NPY2R: variants seen among roughly 807,000 people sequenced by gnomAD.
NPY2R encodes the protein neuropeptide Y receptor type 2.
Under a neutral mutation model 22.3 loss-of-function variants are expected in NPY2R, and 17 were observed. The ratio of observed to expected loss-of-function variants is 0.76; its 90% confidence interval spans 0.52 to 1.14. The LOEUF is 1.14. Ranked by LOEUF, NPY2R falls within the 50% of genes most tolerant of loss-of-function variation. NPY2R has a pLI of 0.00. For synonymous variants in NPY2R, 209 were observed against 183.4 expected (o/e 1.14, Z -1.13); for missense variants, 424 against 467.9 (o/e 0.91, Z 0.87).
the NPY2R span, among the ~76,000 whole-genome samples, chr4:155,184,389 G>T: frequency 2.0e-5 from 3 of 152,290 alleles, no homozygotes; most frequent in South Asian, 6.2e-4. Context: ...TAAACCCAGA[G>T]AAATAATTTC....
chr4:155,214,724 G>T lies in NPY2R; in HGVS notation c.785G>T (p.Arg262Leu). The change falls in exon 2 of 2, where the codon CGA becomes CTA. Residue 262 changes from arginine to leucine, a missense_variant. By Grantham distance (102) the Arg-to-Leu change is moderately radical (BLOSUM62 -2). Transcript: ENST00000329476. The stretch of plus-strand genomic sequence containing the variant: ...GCTGCAAATGACCACTACCATCAGC[G>T]AAGGCAAAAAACCACCAAAATGCTG... ...PGAANDHYHQ[R>L]RQKTTKMLVC... 1 of 1,614,160 alleles carries T rather than the reference G, an allele frequency of 6.2e-7. No homozygotes were observed. The highest frequency in any genetic ancestry group is 8.5e-7 in the Non-Finnish European group (1 of 1,180,022).
At chr4:155,185,683 G>A in the NPY2R span, among the ~76,000 whole-genome samples, 24 of 131,718 alleles carry the variant, frequency 1.8e-4, no homozygotes, top group Admixed American at 1.4e-3. Flanking sequence ...TTTTTTTTTT[G>A]TAAATGGAGG....
At chr4:155,210,463 A>G (rs988403226) in intron 1 of NPY2R, among the ~76,000 whole-genome samples, 2 of 152,228 alleles carry the variant, frequency 1.3e-5, no homozygotes, top group Admixed American at 6.5e-5. Flanking sequence ...TTAGTCAGGT[A>G]TAACCTCCAA....
At position 155,213,877 on chromosome 4, in the gene NPY2R, G is replaced by GT; in HGVS notation, c.-48-9dup. The GT allele has an allele frequency of 2.2e-6, 3 of 1,351,906 alleles. No individual in the cohort carries two copies. The highest frequency in any genetic ancestry group is 1.2e-5 in the South Asian group (1 of 85,428). The allele number at this position is 1,351,906 out of a possible 1,614,324, so 83.7% of individuals were successfully genotyped here. A position where few individuals can be genotyped will look rare whatever the true frequency, so the allele number is the denominator to read the frequency against. On this transcript the variant is annotated splice_polypyrimidine_tract_variant and intron_variant, in intron 1 of 1. Transcript: ENST00000329476. ...TGTTGTTGTTGTTTTGTTTTATTTT[G>GT]TTTTTTCTTTTTAGGTTGTAGACTC...
chr4:155,194,121 G>A, the NPY2R span, among the ~76,000 whole-genome samples: 3 of 149,972 alleles, frequency 2.0e-5, no homozygotes, highest in South Asian at 2.1e-4. Context: ...ACTGTATCTC[G>A]ACAAAGCTAG....
At chr4:155,184,746 C>T in the NPY2R span, among the ~76,000 whole-genome samples, 3 of 151,542 alleles carry the variant, frequency 2.0e-5, no homozygotes, top group African/African-American at 4.9e-5. Flanking sequence ...TGCGCGATAG[C>T]CTTTATTGCA....
chr4:155,194,771 T>C, the NPY2R span, among the ~76,000 whole-genome samples: 1 of 151,988 alleles, frequency 6.6e-6, no homozygotes, highest in Admixed American at 6.6e-5. Flanking sequence ...ATGAGATTGC[T>C]GGGTGAATGG....
At chr4:155,205,845 C>CTATCTA (rs1330613968), upstream of NPY2R, among the ~76,000 whole-genome samples, 2 of 151,462 alleles carry the variant, frequency 1.3e-5, no homozygotes, top group African/African-American at 4.9e-5. Flanking sequence ...ATCTATCTAT[C>CTATCTA]TATCTATCTA....
chr4:155,194,932 C>T, the NPY2R span, among the ~76,000 whole-genome samples: 2 of 151,940 alleles, frequency 1.3e-5, no homozygotes, highest in Non-Finnish European at 2.9e-5. Context: ...GCCATTCTGA[C>T]TGGTGTGAGA....
the NPY2R span, among the ~76,000 whole-genome samples, chr4:155,196,543 A>T: frequency 6.6e-6 from 1 of 151,958 alleles, no homozygotes; most frequent in South Asian, 2.1e-4. Context: ...GCTCAGAAAG[A>T]TGGTCCATGT....
At chr4:155,185,283 C>CT in the NPY2R span, among the ~76,000 whole-genome samples, 2 of 152,134 alleles carry the variant, frequency 1.3e-5, no homozygotes, top group Non-Finnish European at 2.9e-5. Flanking sequence ...TGTGATCTGC[C>CT]TGCCTCAGCC....
the NPY2R span, among the ~76,000 whole-genome samples, chr4:155,194,641 A>G: frequency 6.6e-6 from 1 of 151,812 alleles, no homozygotes; most frequent in Non-Finnish European, 1.5e-5. Flanking sequence ...TTTATCCACC[A>G]CTGATGGGCA....
chr4:155,177,987 T>C, the NPY2R span, among the ~76,000 whole-genome samples: 1 of 152,200 alleles, frequency 6.6e-6, no homozygotes, highest in Non-Finnish European at 1.5e-5. Flanking sequence ...TCTGAAGTTA[T>C]AAGCAGGTCT....
the NPY2R span, among the ~76,000 whole-genome samples, chr4:155,195,606 A>G: frequency 6.6e-6 from 1 of 151,960 alleles, no homozygotes; most frequent in Non-Finnish European, 1.5e-5. Context: ...TATTCCATCT[A>G]TTAATATTAC....
chr4:155,180,013 GTT>G, the NPY2R span, among the ~76,000 whole-genome samples: 76,073 of 146,260 alleles, frequency 0.52, 20,278 homozygotes, highest in East Asian at 0.7. Context: ...ATTTTATTTT[GTT>G]TTTTTTTTTT....
At chr4:155,205,506 A>G (rs1044534191), upstream of NPY2R, among the ~76,000 whole-genome samples, 6 of 152,178 alleles carry the variant, frequency 3.9e-5, no homozygotes, top group African/African-American at 1.4e-4. Context: ...TTTAATGGAG[A>G]GCTTTTCTGA....
rs1207272320 is a variant in NPY2R, at chr4:155,214,549, A to G, written c.610A>G (p.Thr204Ala). ...CCCGGACTTTGAGATTGTGGCCTGT[A>G]CTGAAAAGTGGCCTGGCGAGGAGAA... ...IIPDFEIVAC[T>A]EKWPGEEKSI... Residue 204 changes from threonine to alanine, a missense_variant, in exon 2 of 2, where the codon ACT becomes GCT. Thr to Ala is a moderately conservative substitution (Grantham distance 58). Coordinates refer to ENST00000329476, the MANE Select transcript of NPY2R (RefSeq NM_000910.4). 1 of 1,614,046 alleles carries G rather than the reference A, an allele frequency of 6.2e-7. No homozygotes were observed. The highest frequency in any genetic ancestry group is 8.5e-7 in the Non-Finnish European group (1 of 1,180,016).
At chr4:155,208,015 C>G (rs1195773472), upstream of NPY2R, 1 of 152,266 alleles carries the variant, frequency 6.6e-6, no homozygotes, top group Non-Finnish European at 1.5e-5. This position sits in a 1 kb window ranked among gnomAD's most constrained non-coding sequence, Gnocchi z 5.6. Flanking sequence ...AGGATCTGAA[C>G]TCGCTTTACC....
chr4:155,182,595 G>A, the NPY2R span, among the ~76,000 whole-genome samples: 1 of 152,082 alleles, frequency 6.6e-6, no homozygotes, highest in Admixed American at 6.6e-5. Context: ...CACAATAGGA[G>A]AATCACAATG....
Sources: gnomAD v4.1 joint callset for allele counts (sites outside exome capture counted in the v4.1 genomes callset) on GRCh38, gnomAD v4.1.1 for gene constraint, Gnocchi (gnomAD v3.1) non-coding constraint, MANE v1.5 for transcripts, NCBI Gene and HGNC (gene_info 2026-07-23, HGNC 2026-07-21) for gene names.